Variants in GRID2 observed in about 807,000 individuals in gnomAD.
GRID2 encodes glutamate receptor ionotropic, delta-2.
A neutral mutation model predicts 114.8 loss-of-function variants in GRID2; 33 were observed. That is an observed-to-expected ratio of 0.29 (90% confidence interval 0.22 to 0.38). GRID2 has a LOEUF of 0.38. Ranked by LOEUF, GRID2 falls within the 10% of genes least tolerant of loss-of-function variation. The probability of loss-of-function intolerance (pLI) is 1.00; values close to 1 mark genes in which losing one functional copy is unlikely to be tolerated. For missense variants in GRID2, 1,184 were observed against 1,257.7 expected (o/e 0.94, Z 0.89); for synonymous variants, 505 against 449.9 (o/e 1.12, Z -1.55).
intron 13 of GRID2, among the ~76,000 whole-genome samples, chr4:93,608,324 A>C (rs201741853): frequency 1.6e-5 from 1 of 62,730 alleles, no homozygotes; most frequent in Non-Finnish European, 3.4e-5. Context: ...TTTTTTTTTT[A>C]TTATACTTTA....
intron 14 of GRID2, among the ~76,000 whole-genome samples, chr4:93,647,518 T>C (rs1026804117): frequency 1.3e-5 from 2 of 152,202 alleles, no homozygotes; most frequent in Non-Finnish European, 2.9e-5. Context: ...AGAGGTAATA[T>C]AGTTCCTTGT....
intron 2 of GRID2, among the ~76,000 whole-genome samples, chr4:92,993,532 A>C (rs910962502): frequency 1.3e-4 from 20 of 152,138 alleles, no homozygotes; most frequent in African/African-American, 4.8e-4. Context: ...TTTTACCCAA[A>C]ATAAATTAAT....
intron 2 of GRID2, among the ~76,000 whole-genome samples, chr4:92,737,928 G>A (rs1158467967): frequency 6.6e-6 from 1 of 152,004 alleles, no homozygotes; most frequent in Non-Finnish European, 1.5e-5. Flanking sequence ...AGCTACAACT[G>A]TTAATTTCCC....
intron 8 of GRID2, among the ~76,000 whole-genome samples, chr4:93,358,584 C>A (rs1761569150): frequency 6.6e-6 from 1 of 151,882 alleles, no homozygotes; most frequent in East Asian, 1.9e-4. Context: ...AATGCAATAA[C>A]TCTAGAAACT....
intron 1 of GRID2, among the ~76,000 whole-genome samples, chr4:92,390,732 G>T (rs973181080): frequency 3.9e-5 from 6 of 152,172 alleles, no homozygotes; most frequent in Non-Finnish European, 8.8e-5. Flanking sequence ...AAGAGTTTCA[G>T]GTTTTACTCA....
chr4:92,963,782 C>G (rs1400814049), intron 2 of GRID2, among the ~76,000 whole-genome samples: 2 of 151,958 alleles, frequency 1.3e-5, no homozygotes, highest in Admixed American at 1.3e-4. Flanking sequence ...TACCCAGACC[C>G]ATTGGAAAAA....
At chr4:92,367,119 C>T (rs931778353) in intron 1 of GRID2, among the ~76,000 whole-genome samples, 3 of 151,950 alleles carry the variant, frequency 2.0e-5, no homozygotes, top group Non-Finnish European at 4.4e-5. Context: ...TGATTAGATT[C>T]AAATTATGCA....
chr4:92,999,903 A>G (rs1203526591), intron 2 of GRID2, among the ~76,000 whole-genome samples: 1 of 151,698 alleles, frequency 6.6e-6, no homozygotes, highest in Non-Finnish European at 1.5e-5. Context: ...TCAGCTAGAT[A>G]CGAACTTTAT....
At chr4:92,624,598 G>C (rs1361492988) in intron 2 of GRID2, among the ~76,000 whole-genome samples, 1 of 151,706 alleles carries the variant, frequency 6.6e-6, no homozygotes, top group Non-Finnish European at 1.5e-5. Context: ...AGTCATATGA[G>C]ATAACATTAC....
intron 1 of GRID2, among the ~76,000 whole-genome samples, chr4:92,476,190 T>C (rs749872554): frequency 2.0e-5 from 3 of 151,968 alleles, no homozygotes; most frequent in Non-Finnish European, 4.4e-5. Flanking sequence ...CATGCCCGGC[T>C]AACTTTTTGT....
Position 93,422,787 on chromosome 4 carries a change from T to C in GRID2, c.1364T>C (p.Met455Thr), listed in dbSNP as rs758117161. 2 of 1,612,168 alleles carry C rather than the reference T, an allele frequency of 1.2e-6. No homozygotes were observed. The highest frequency in any genetic ancestry group is 1.1e-5 in the South Asian group (1 of 91,042). Residue 455 changes from methionine (M) to threonine (T), a missense_variant, in exon 10 of 16, where the codon ATG becomes ACG. Around this residue, in one of 3 missense-constraint regions of GRID2, gnomAD observed 717 missense variants for 796.9 expected, o/e 0.90. Coordinates refer to ENST00000282020, the MANE Select transcript of GRID2 (RefSeq NM_001510.4). ...TCCATGTAGGAAGAACCTTTTGTGATGGTCTCTGAAAATGTCTTGGGTAAG... is the reference window on the plus strand; with the variant it reads ...TCCATGTAGGAAGAACCTTTTGTGACGGTCTCTGAAAATGTCTTGGGTAAG... ...VVTVLEEPFV[M>T]VSENVLGKPK...
At chr4:92,480,013 A>G (rs1007564876) in intron 1 of GRID2, among the ~76,000 whole-genome samples, 4 of 152,194 alleles carry the variant, frequency 2.6e-5, no homozygotes, top group Admixed American at 6.6e-5. Context: ...TGTTTATTGC[A>G]TAATGAGTAT....
chr4:92,480,942 A>G (rs1722557974), intron 1 of GRID2, among the ~76,000 whole-genome samples: 1 of 152,230 alleles, frequency 6.6e-6, no homozygotes, highest in Admixed American at 6.6e-5. Context: ...TCTCTTGTTC[A>G]GCTTTTAAAA....
intron 1 of GRID2, among the ~76,000 whole-genome samples, chr4:92,567,016 T>C (rs1727370628): frequency 6.6e-6 from 1 of 152,076 alleles, no homozygotes; most frequent in Admixed American, 6.6e-5. Context: ...ATTCAGTTAG[T>C]ATCTTTTTCT....
chr4:93,207,408 T>C lies in GRID2; in HGVS notation c.740T>C (p.Val247Ala), dbSNP rs1305739391. The C allele has an allele frequency of 1.3e-6, 2 of 1,597,950 alleles. No individual in the cohort carries two copies. The highest frequency in any genetic ancestry group is 2.2e-5 in the East Asian group (1 of 44,622). ...ATAKSFITEV[V>A]ETNLVAFDCH... The stretch of plus-strand genomic sequence containing the variant: ...CTGATTTGTTTTCTATTCTAGGTTG[T>C]GGAGACTAATTTGGTTGCTTTTGAC... Residue 247 changes from valine (V) to alanine (A), a missense_variant, in exon 5 of 16, where the codon GTG becomes GCG. Val to Ala is a moderately conservative substitution (Grantham distance 64, BLOSUM62 0). Around this residue, in one of 3 missense-constraint regions of GRID2, gnomAD observed 455 missense variants for 429.5 expected, o/e 1.06. Transcript: ENST00000282020.
intron 2 of GRID2, among the ~76,000 whole-genome samples, chr4:92,801,995 T>TA (rs1046035927): frequency 1.6e-4 from 25 of 151,856 alleles, no homozygotes; most frequent in East Asian, 1.6e-3. Context: ...TTGTTTTTTT[T>TA]AAAAAAAACT....
At chr4:93,063,911 T>G (rs1728029233) in intron 2 of GRID2, among the ~76,000 whole-genome samples, 2 of 151,474 alleles carry the variant, frequency 1.3e-5, no homozygotes, top group South Asian at 4.1e-4. Flanking sequence ...GTGTAGTTTC[T>G]AAATATATTT....
chr4:93,653,723 T>C (rs185277847), intron 14 of GRID2, among the ~76,000 whole-genome samples: 9 of 152,226 alleles, frequency 5.9e-5, no homozygotes, highest in Admixed American at 2.6e-4. Flanking sequence ...TCAATCTCTT[T>C]GTCTCAACAA....
intron 4 of GRID2, among the ~76,000 whole-genome samples, chr4:93,130,071 T>C (rs934453331): frequency 2.4e-4 from 36 of 152,188 alleles, no homozygotes; most frequent in Admixed American, 1.1e-3. Flanking sequence ...AGCATATGTA[T>C]TTATTTGTAA....
Sources: gnomAD v4.1 joint callset for allele counts (sites outside exome capture counted in the v4.1 genomes callset) on GRCh38, gnomAD v4.1.1 for gene constraint, gnomAD v4.1.1 regional missense constraint, MANE v1.5 for transcripts, NCBI Gene and HGNC (gene_info 2026-07-23, HGNC 2026-07-21) for gene names.